EXOC7: variants seen among roughly 807,000 people sequenced by gnomAD.
EXOC7 encodes the protein exocyst complex component Exo70.
Under a neutral mutation model 87.6 loss-of-function variants are expected in EXOC7, and 51 were observed. The observed-to-expected ratio is 0.58, with a 90% CI of 0.46 to 0.73. EXOC7 has a LOEUF of 0.73. Among genes scored for constraint, EXOC7 ranks in the 30% least tolerant of loss-of-function variants. The pLI is 0.00. For synonymous variants in EXOC7, 327 were observed against 357.1 expected, an observed-to-expected ratio of 0.92 and a Z score of 0.95; for missense variants, 744 against 888.4, an observed-to-expected ratio of 0.84 and a Z score of 2.07.
chr17:76,082,783 G>A lies in EXOC7; in HGVS notation c.*865C>T. ...CCGCTAGCACACAAGCACAGAGCGTGAAATAAACCCATCTCCAGTGCAAGT... is the reference window on the plus strand; with the variant it reads ...CCGCTAGCACACAAGCACAGAGCGTAAAATAAACCCATCTCCAGTGCAAGT... On this transcript the variant is annotated 3_prime_UTR_variant, in exon 19 of 19. Transcript: ENST00000589210. 1.1e-6 allele frequency: 1 copy of A among 871,982 alleles called. No homozygotes were observed. The highest frequency in any genetic ancestry group is 1.7e-6 in the Non-Finnish European group (1 of 605,050). The allele number at this position is 871,982 out of a possible 1,614,324, so 54.0% of individuals were successfully genotyped here.
Position 76,098,131 on chromosome 17 carries a change from C to A in EXOC7, c.418-113G>T, listed in dbSNP as rs1324588164. On this transcript the variant is annotated intron_variant, in intron 4 of 18. Transcript: ENST00000589210. ...CTTAACTCAGGGCCTCTGCCCTTTTCTGCCCTGATATCTTTTTTTTTTTTG... is the reference window on the plus strand; with the variant it reads ...CTTAACTCAGGGCCTCTGCCCTTTTATGCCCTGATATCTTTTTTTTTTTTG... The A allele has an allele frequency of 7.2e-6, 6 of 836,816 alleles. No individual in the cohort carries two copies. The East Asian group carries it at 1.0e-4, about 14-fold the overall frequency. 51.8% of individuals were successfully genotyped at this position (836,816 alleles called of 1,614,324 possible). A position where few individuals can be genotyped will look rare whatever the true frequency, so the allele number is the denominator to read the frequency against.
intron 12 of EXOC7, chr17:76,087,138 C>T (rs2067247872): frequency 2.1e-6 from 1 of 485,534 alleles, no homozygotes; most frequent in Non-Finnish European, 3.7e-6. Flanking sequence ...CTCCTTGCCC[C>T]CAAAATGGGA....
Position 76,097,795 on chromosome 17 carries a change from C to T in EXOC7, c.640+1G>A, listed in dbSNP as rs779063646. 1.9e-6 allele frequency: 3 copies of T among 1,608,656 alleles called. No homozygotes were observed. The highest frequency in any genetic ancestry group is 1.7e-6 in the Non-Finnish European group (2 of 1,176,584). On this transcript the variant is annotated splice_donor_variant, in intron 5 of 18. Transcript: ENST00000589210. LOFTEE classifies it high-confidence loss of function. Reference sequence around the variant, plus strand: ...CATGTGGCCAAGCCAGAATCCCTTACCTTGGTTGCGGCCATATTCCACCAG... The same window carrying T: ...CATGTGGCCAAGCCAGAATCCCTTATCTTGGTTGCGGCCATATTCCACCAG...
In EXOC7 at chr17:76,085,317, C is replaced by T. The variant is rs1320276822; in HGVS notation, c.1709G>A (p.Arg570His). Reference sequence around the variant, plus strand: ...CAGGGCGGGCCCAGCCTCTCACCTGCGCTGGTAGGTCTGGATCTGCTGCTC... The same window carrying T: ...CAGGGCGGGCCCAGCCTCTCACCTGTGCTGGTAGGTCTGGATCTGCTGCTC... ...HIEQQIQTYQ[R>H]SWLKVTDYIA... Residue 570 changes from arginine (R) to histidine (H), a missense_variant, in exon 15 of 19, where the codon CGC becomes CAC. Coordinates refer to ENST00000589210, the MANE Select transcript of EXOC7 (RefSeq NM_001013839.4). 1.6e-5 allele frequency: 26 copies of T among 1,596,568 alleles called. No homozygotes were observed. Among genetic ancestry groups the T allele is most frequent in the East Asian group, 4.5e-5 (2 of 44,428 alleles).
At chr17:76,100,788 C>G (rs1358375189) in intron 4 of EXOC7, among the ~76,000 whole-genome samples, 3 of 152,132 alleles carry the variant, frequency 2.0e-5, no homozygotes, top group African/African-American at 4.8e-5. Flanking sequence ...CGAGACCAGT[C>G]TGGCCAACAT....
intron 4 of EXOC7, 142 bp from the exon 5 acceptor site, chr17:76,098,160 G>C: frequency 3.1e-6 from 2 of 654,728 alleles, no homozygotes; most frequent in Non-Finnish European, 2.6e-6. Context: ...TTTTTTGAGA[G>C]GGAGTCTCGC....
intron 18 of EXOC7, 77 bp from the exon 19 acceptor site, chr17:76,083,827 A>C: frequency 6.5e-7 from 1 of 1,545,168 alleles, no homozygotes; most frequent in Non-Finnish European, 8.9e-7. Context: ...GGCACTCCTG[A>C]TAGTCTTGGA....
chr17:76,090,843 G>C (rs2665983), intron 7 of EXOC7: 243,877 of 518,154 alleles, frequency 0.47, 59,343 homozygotes, highest in South Asian at 0.64. Context: ...GAGCGTGAAA[G>C]GGCTGCCCCA....
chr17:76,082,167 G>GTCCCTGGTC lies in EXOC7; in HGVS notation c.*1472_*1480dup. The GTCCCTGGTC allele has an allele frequency of 7.9e-7, 1 of 1,258,288 alleles. No individual in the cohort carries two copies. The highest frequency in any genetic ancestry group is 1.1e-6 in the Non-Finnish European group (1 of 917,726). 77.9% of individuals were successfully genotyped at this position (1,258,288 alleles called of 1,614,324 possible). On this transcript the variant is annotated 3_prime_UTR_variant, in exon 19 of 19. Coordinates refer to ENST00000589210, the MANE Select transcript of EXOC7 (RefSeq NM_001013839.4). ...TTGCATCCACCCTGCTGGCTCTCCT[G>GTCCCTGGTC]TCCCTGGTCTCCACCATGTCCTCCT...
intron 4 of EXOC7, chr17:76,101,054 T>G: frequency 1.3e-6 from 1 of 777,972 alleles, no homozygotes; most frequent in Non-Finnish European, 1.7e-6. Context: ...ATAATTTAAT[T>G]TTTATAATAC....
chr17:76,099,137 T>C (rs1193647273), intron 4 of EXOC7, among the ~76,000 whole-genome samples: 2 of 152,028 alleles, frequency 1.3e-5, no homozygotes, highest in African/African-American at 2.4e-5. Flanking sequence ...TATAAGAGGG[T>C]TTATAGCAGC....
chr17:76,087,460 G>A (rs111659485), intron 12 of EXOC7, 194 bp downstream of exon 12: 5 of 601,320 alleles, frequency 8.3e-6, no homozygotes, highest in Non-Finnish European at 8.8e-6. Context: ...AGGGGCCAGA[G>A]GTCCAGTGTC....
At chr17:76,086,603 T>G (rs1598300357) in intron 12 of EXOC7, among the ~76,000 whole-genome samples, 1 of 151,030 alleles carries the variant, frequency 6.6e-6, no homozygotes, top group African/African-American at 2.4e-5. Context: ...GAAGGCCGAG[T>G]GGGGACAGCA....
chr17:76,092,757 C>G (rs995129874), intron 6 of EXOC7: 2 of 152,192 alleles, frequency 1.3e-5, no homozygotes, highest in African/African-American at 4.8e-5. Flanking sequence ...ATGTGGGTCG[C>G]CGATGTGGAT....
rs2067202480 is a variant in EXOC7 at position 76,086,157 on chromosome 17, G to C, written c.1430-12C>G. 7.4e-6 allele frequency: 12 copies of C among 1,613,150 alleles called. No homozygotes were observed. Among genetic ancestry groups the C allele is most frequent in the Non-Finnish European group, 8.5e-6 (10 of 1,179,902 alleles). On this transcript the variant is annotated splice_polypyrimidine_tract_variant and intron_variant, in intron 12 of 18. Coordinates refer to ENST00000589210, the MANE Select transcript of EXOC7 (RefSeq NM_001013839.4). ...CGAAGAGCTGGTCTCTGTGAGAGGA[G>C]AAGTCCTGTTATTGCAGTGGCAGCA...
chr17:76,096,512 A>C (rs1392121396), intron 5 of EXOC7, among the ~76,000 whole-genome samples: 2 of 67,150 alleles, frequency 3.0e-5, no homozygotes, highest in Non-Finnish European at 8.4e-5. Flanking sequence ...ACTCTGTCTC[A>C]AAAAAAAAAA....
chr17:76,094,320 G>A (rs1420180748), intron 6 of EXOC7, 94 bp downstream of exon 6: 2 of 1,383,214 alleles, frequency 1.4e-6, no homozygotes, highest in Non-Finnish European at 2.0e-6. Flanking sequence ...AAGCTCTGGA[G>A]GGGCCTGACG....
chr17:76,097,842 A>G lies in EXOC7; in HGVS notation c.594T>C (p.Asp198=), dbSNP rs143785389. Residue 198 remains aspartate, a synonymous_variant, in exon 5 of 19, where the codon GAT becomes GAC. Transcript: ENST00000589210. ...CCAGCCAGCGGGAGATGCGAATGAC[A>G]TCCTGGAGCACGCTCTCGGGCAGGT... ...LEHLPESVLQ[D]VIRISRWLVE... The G allele has an allele frequency of 2.2e-5, 36 of 1,613,650 alleles. No homozygotes were observed. Among genetic ancestry groups the G allele is most frequent in the African/African-American group, 4.0e-5 (3 of 74,764 alleles).
intron 4 of EXOC7, among the ~76,000 whole-genome samples, chr17:76,100,455 C>T (rs1052001066): frequency 6.0e-5 from 9 of 150,520 alleles, no homozygotes; most frequent in Non-Finnish European, 1.0e-4. Context: ...GGTGAAATCC[C>T]GTTTCTACTA....
Sources: gnomAD v4.1 joint callset for allele counts (sites outside exome capture counted in the v4.1 genomes callset) on GRCh38, gnomAD v4.1.1 for gene constraint, MANE v1.5 for transcripts, NCBI Gene and HGNC (gene_info 2026-07-23, HGNC 2026-07-21) for gene names.